The following XKR9 variants were observed in gnomAD, a reference collection of about 807,000 sequenced individuals.
The protein encoded by XKR9 is XK related 9, also known as XK-related protein 9.
In XKR9, 32 loss-of-function variants were observed where a neutral mutation model predicts 32.0. The ratio of observed to expected loss-of-function variants is 1.00; its 90% CI spans 0.76 to 1.34. The LOEUF is 1.34. Among genes scored for constraint, XKR9 ranks in the 40% most tolerant of loss-of-function variants. XKR9 has a pLI of 0.00. For synonymous variants in XKR9, 168 were observed against 143.4 expected (o/e 1.17, Z -1.22); for missense variants, 546 against 429.7 (o/e 1.27, Z -2.39).
At chr8:70,722,340 T>A (rs1806311088) in intron 4 of XKR9, among the ~76,000 whole-genome samples, 1 of 152,224 alleles carries the variant, frequency 6.6e-6, no homozygotes, top group Non-Finnish European at 1.5e-5. Flanking sequence ...CCTGTCATCA[T>A]GATGCTAGCT....
the XKR9 span, among the ~76,000 whole-genome samples, chr8:71,036,450 A>T: frequency 6.6e-6 from 1 of 152,170 alleles, no homozygotes; most frequent in Non-Finnish European, 1.5e-5. Flanking sequence ...CTAGAGTGTT[A>T]GAAAAAAAAC....
the XKR9 span, among the ~76,000 whole-genome samples, chr8:70,890,958 G>A: frequency 6.6e-6 from 1 of 151,776 alleles, no homozygotes; most frequent in Non-Finnish European, 1.5e-5. Flanking sequence ...TTGATTACAG[G>A]TTTAATCTTC....
chr8:70,692,713 G>A (rs1805125678), intron 3 of XKR9, among the ~76,000 whole-genome samples: 1 of 151,986 alleles, frequency 6.6e-6, no homozygotes, highest in African/African-American at 2.4e-5. Flanking sequence ...CGAGTAGCTT[G>A]GATTACAGGT....
chr8:70,875,794 G>C, the XKR9 span, among the ~76,000 whole-genome samples: 4 of 152,238 alleles, frequency 2.6e-5, no homozygotes, highest in Admixed American at 6.5e-5. Context: ...CATTCCTAAA[G>C]ACGAAAATTC....
At chr8:70,723,891 T>TTC (rs1806366634) in intron 4 of XKR9, among the ~76,000 whole-genome samples, 1 of 151,268 alleles carries the variant, frequency 6.6e-6, no homozygotes, top group Non-Finnish European at 1.5e-5. Context: ...TGGGAACTTT[T>TTC]TTTTTTTTTT....
the XKR9 span, among the ~76,000 whole-genome samples, chr8:70,866,128 C>T: frequency 1.3e-5 from 2 of 152,164 alleles, no homozygotes; most frequent in African/African-American, 4.8e-5. Context: ...GGATGCTTTG[C>T]ATGTATTAAT....
chr8:70,954,249 G>A, the XKR9 span, among the ~76,000 whole-genome samples: 1 of 152,058 alleles, frequency 6.6e-6, no homozygotes, highest in African/African-American at 2.4e-5. Flanking sequence ...CCCAGCTAGT[G>A]TAGCCTGGGA....
At chr8:70,899,430 G>GTT in the XKR9 span, among the ~76,000 whole-genome samples, 271 of 135,384 alleles carry the variant, frequency 2.0e-3, no homozygotes, top group Non-Finnish European at 2.1e-3. Context: ...CAGGAAGACA[G>GTT]TTTTTTTTTT....
At chr8:70,978,905 C>A in the XKR9 span, among the ~76,000 whole-genome samples, 1 of 152,108 alleles carries the variant, frequency 6.6e-6, no homozygotes, top group African/African-American at 2.4e-5. Flanking sequence ...TTCCCATAGT[C>A]CCATATTTCT....
the XKR9 span, among the ~76,000 whole-genome samples, chr8:71,029,558 A>G: frequency 6.6e-6 from 1 of 152,192 alleles, no homozygotes; most frequent in Non-Finnish European, 1.5e-5. Context: ...ATTAACTCTC[A>G]AATTCTTACT....
the XKR9 span, among the ~76,000 whole-genome samples, chr8:71,054,813 A>G: frequency 6.6e-6 from 1 of 152,234 alleles, no homozygotes; most frequent in Non-Finnish European, 1.5e-5. Flanking sequence ...AAAGATCTAA[A>G]TTAAGCAACT....
chr8:70,863,338 A>G, the XKR9 span, among the ~76,000 whole-genome samples: 1 of 152,212 alleles, frequency 6.6e-6, no homozygotes, highest in Non-Finnish European at 1.5e-5. Flanking sequence ...CAGAACTTAC[A>G]AAAAATCAGT....
the XKR9 span, among the ~76,000 whole-genome samples, chr8:71,020,325 A>T: frequency 3.3e-5 from 5 of 152,200 alleles, no homozygotes; most frequent in African/African-American, 1.2e-4. Flanking sequence ...CTGTTCCATA[A>T]CCACAGGCTG....
the XKR9 span, among the ~76,000 whole-genome samples, chr8:70,806,401 C>G: frequency 2.0e-4 from 30 of 152,260 alleles, no homozygotes; most frequent in African/African-American, 7.0e-4. Flanking sequence ...AAGTGCAGAA[C>G]TGGACGGATA....
At chr8:70,813,923 C>T in the XKR9 span, among the ~76,000 whole-genome samples, 33 of 152,250 alleles carry the variant, frequency 2.2e-4, no homozygotes, top group African/African-American at 6.7e-4. Flanking sequence ...TACCATTTGA[C>T]GCAGCAATCC....
At chr8:70,924,374 A>G in the XKR9 span, among the ~76,000 whole-genome samples, 1 of 152,078 alleles carries the variant, frequency 6.6e-6, no homozygotes, top group East Asian at 1.9e-4. Context: ...TAAAATGCAA[A>G]TTTGACCATG....
At chr8:70,948,132 G>A in the XKR9 span, among the ~76,000 whole-genome samples, 29 of 150,998 alleles carry the variant, frequency 1.9e-4, no homozygotes, top group Non-Finnish European at 3.2e-4. Flanking sequence ...TATGATAAAC[G>A]TAAGAAAAGA....
chr8:70,770,508 C>T (rs186716744), intron 2 of XKR9, among the ~76,000 whole-genome samples: 1,605 of 152,328 alleles, frequency 0.011, 35 homozygotes, highest in African/African-American at 0.037. Context: ...TGAAGCTGCA[C>T]CCACAGCCGC....
chr8:70,938,384 A>G, the XKR9 span, among the ~76,000 whole-genome samples: 1 of 151,868 alleles, frequency 6.6e-6, no homozygotes, highest in Non-Finnish European at 1.5e-5. Context: ...GCTGTGCATC[A>G]TCTTTCAAGG....
Sources: allele counts gnomAD v4.1 joint callset (sites outside exome capture counted in the v4.1 genomes callset), GRCh38; gene constraint gnomAD v4.1.1; transcripts MANE v1.5; gene names NCBI Gene and HGNC (gene_info 2026-07-23, HGNC 2026-07-21).